Variants in KCNG3 observed in about 807,000 individuals in gnomAD.
KCNG3 encodes the protein voltage-gated potassium channel regulatory subunit KCNG3.
In KCNG3, 15 loss-of-function variants were observed where a neutral mutation model predicts 29.0. The observed-to-expected ratio is 0.52, with a 90% CI of 0.35 to 0.80. The LOEUF is 0.80. Among genes scored for constraint, KCNG3 ranks in the 30% least tolerant of loss-of-function variants. KCNG3 has a pLI of 0.01. For synonymous variants in KCNG3, 322 were observed against 248.9 expected, an observed-to-expected ratio of 1.29 and a Z score of -2.76; for missense variants, 512 against 605.7, an observed-to-expected ratio of 0.85 and a Z score of 1.62.
At chr2:42,477,410 C>CACAT (rs1472461433) in intron 1 of KCNG3, among the ~76,000 whole-genome samples, 2 of 51,366 alleles carry the variant, frequency 3.9e-5, no homozygotes, top group Admixed American at 5.6e-4. Flanking sequence ...CACACACACA[C>CACAT]ACACACACAC....
At chr2:42,403,191 A>G in the KCNG3 span, among the ~76,000 whole-genome samples, 291 of 152,306 alleles carry the variant, frequency 1.9e-3, 2 homozygotes, top group African/African-American at 6.4e-3. Context: ...CCTAGGCTGG[A>G]GTGCAGTGGC....
At chr2:42,456,395 G>T (rs910421284) in intron 1 of KCNG3, among the ~76,000 whole-genome samples, 1 of 152,100 alleles carries the variant, frequency 6.6e-6, no homozygotes, top group Non-Finnish European at 1.5e-5. Context: ...CAGGCATGAT[G>T]GTGCATGCCT....
chr2:42,430,538 C>G, the KCNG3 span, among the ~76,000 whole-genome samples: 1 of 151,662 alleles, frequency 6.6e-6, no homozygotes, highest in Non-Finnish European at 1.5e-5. Context: ...TCACTTGGGC[C>G]CGGGAGGTTT....
intron 1 of KCNG3, among the ~76,000 whole-genome samples, chr2:42,477,906 C>T (rs974372159): frequency 1.3e-5 from 2 of 151,466 alleles, no homozygotes; most frequent in Non-Finnish European, 2.9e-5. Context: ...TTTTTTGAGT[C>T]ACCTCTTTCA....
chr2:42,493,538 C>T lies in KCNG3; in HGVS notation c.-37G>A. The T allele has an allele frequency of 1.5e-6, 2 of 1,329,360 alleles. No homozygotes were observed. The highest frequency in any genetic ancestry group is 9.6e-7 in the Non-Finnish European group (1 of 1,047,016). The allele number at this position is 1,329,360 out of a possible 1,614,324, so 82.3% of individuals were successfully genotyped here. ...CGGGGGACTTTCGGCCCGAGGGCCC[C>T]GCTGCAGCCCCCCACCCCAAGCCGC... On this transcript the variant is annotated 5_prime_UTR_variant, in exon 1 of 2. Transcript: ENST00000306078.
At chr2:42,482,794 C>T (rs1558388887) in intron 1 of KCNG3, among the ~76,000 whole-genome samples, 1 of 151,954 alleles carries the variant, frequency 6.6e-6, no homozygotes, top group South Asian at 2.1e-4. Context: ...CCAAAAACCA[C>T]TGCATTTTAT....
chr2:42,452,770 GGTGTGTGTGTGT>G (rs57111452), intron 1 of KCNG3, among the ~76,000 whole-genome samples: 19 of 150,102 alleles, frequency 1.3e-4, no homozygotes, highest in Non-Finnish European at 2.5e-4. Flanking sequence ...CATTCAACTG[GGTGTGTGTGTGT>G]GTGTGTGTGT....
intron 1 of KCNG3, among the ~76,000 whole-genome samples, chr2:42,449,079 T>G (rs1335202825): frequency 6.6e-6 from 1 of 152,184 alleles, no homozygotes; most frequent in East Asian, 1.9e-4. Flanking sequence ...ATGTTCAGAT[T>G]TTGGTATATG....
chr2:42,493,008 G>A lies in KCNG3; in HGVS notation c.494C>T (p.Thr165Met), dbSNP rs866625762. The A allele has an allele frequency of 6.5e-7, 1 of 1,529,576 alleles. No homozygotes were observed. Among genetic ancestry groups the A allele is most frequent in the Non-Finnish European group, 8.8e-7 (1 of 1,142,334 alleles). 94.8% of individuals were successfully genotyped at this position (1,529,576 alleles called of 1,614,324 possible). ...CAGGATCTGCGCGGCCAGCGACGAC[G>A]TGGGCTCCTCGAAGGTCCGCCGCAT... ...ERMRRTFEEP[T>M]SSLAAQILAS... Residue 165 changes from threonine (T) to methionine (M), a missense_variant, in exon 1 of 2, where the codon ACG (threonine) becomes ATG (methionine). By Grantham distance (81) the Thr-to-Met change is moderately conservative. Around this residue, in one of 5 missense-constraint regions of KCNG3, gnomAD observed 228 missense variants for 200.0 expected, o/e 1.14. Coordinates refer to ENST00000306078, the MANE Select transcript of KCNG3 (RefSeq NM_133329.6).
In KCNG3 at chr2:42,472,827, T is replaced by A. The variant is rs763443244; in HGVS notation, c.665+20010A>T. Among the ~76,000 whole-genome samples the A allele has an allele frequency of 2.9e-4, 43 of 148,208 alleles. No individual in the cohort carries two copies. In the South Asian group the frequency reaches 3.8e-3, roughly 13 times the overall value. ...ATACATATATCGATATATCTAGATATCTATATATAGATATCTATGTAAATA... is the reference window on the plus strand; with the variant it reads ...ATACATATATCGATATATCTAGATAACTATATATAGATATCTATGTAAATA... On this transcript the variant is annotated intron_variant, in intron 1 of 1. Transcript: ENST00000306078.
chr2:42,475,646 TAA>T (rs753198436), intron 1 of KCNG3, among the ~76,000 whole-genome samples: 43 of 135,974 alleles, frequency 3.2e-4, no homozygotes, highest in Middle Eastern at 3.8e-3. Context: ...TCTGTCTCTT[TAA>T]AAAAAAAAAA....
the KCNG3 span, among the ~76,000 whole-genome samples, chr2:42,435,599 G>A: frequency 6.6e-6 from 1 of 152,032 alleles, no homozygotes; most frequent in African/African-American, 2.4e-5. Flanking sequence ...TTTTTTAAGG[G>A]CAGGGGTTTA....
the KCNG3 span, among the ~76,000 whole-genome samples, chr2:42,414,314 C>T: frequency 6.6e-6 from 1 of 152,132 alleles, no homozygotes; most frequent in African/African-American, 2.4e-5. Context: ...TATGCACACT[C>T]TACTGACAGT....
intron 1 of KCNG3, among the ~76,000 whole-genome samples, chr2:42,492,263 A>G (rs918230471): frequency 5.3e-5 from 8 of 152,174 alleles, no homozygotes; most frequent in Non-Finnish European, 8.8e-5. Flanking sequence ...ACTTTGTAGG[A>G]AAAGGGGGAA....
In KCNG3 at chr2:42,442,132, A is replaced by C. The variant is rs997737436; in HGVS notation, c.*1802T>G. ...AAGAAAAAATAAATCCATGCCATTT[A>C]TTTCAATTATATTAGAATACAATAA... On this transcript the variant is annotated 3_prime_UTR_variant, in exon 2 of 2. Coordinates refer to ENST00000306078, the MANE Select transcript of KCNG3 (RefSeq NM_133329.6). 5.3e-5 allele frequency: 8 copies of C among 152,300 alleles called. No homozygotes were observed. The highest frequency in any genetic ancestry group is 1.9e-4 in the African/African-American group (8 of 41,578). 9.4% of individuals were successfully genotyped at this position (152,300 alleles called of 1,614,324 possible).
At chr2:42,397,205 T>C in the KCNG3 span, among the ~76,000 whole-genome samples, 13 of 150,472 alleles carry the variant, frequency 8.6e-5, no homozygotes, top group African/African-American at 2.5e-4. Context: ...GATCGCACCA[T>C]TGCACTCCAG....
intron 1 of KCNG3, among the ~76,000 whole-genome samples, chr2:42,451,204 C>CAAAAAAAAAA (rs67651134): frequency 1.6e-5 from 1 of 61,010 alleles, no homozygotes; most frequent in Non-Finnish European, 2.7e-5. Flanking sequence ...GACTCCAACT[C>CAAAAAAAAAA]AAAAAAAAAA....
chr2:42,420,694 C>T, the KCNG3 span, among the ~76,000 whole-genome samples: 19,723 of 152,044 alleles, frequency 0.13, 1,428 homozygotes, highest in South Asian at 0.26. Context: ...GAGGCTGAGG[C>T]AGGGAGAATC....
At chr2:42,489,514 T>C (rs1457231355) in intron 1 of KCNG3, among the ~76,000 whole-genome samples, 3 of 152,202 alleles carry the variant, frequency 2.0e-5, no homozygotes, top group Non-Finnish European at 2.9e-5. Flanking sequence ...TATGAAAATA[T>C]AACCATCACG....
Sources: gnomAD v4.1 joint callset for allele counts (sites outside exome capture counted in the v4.1 genomes callset) on GRCh38, gnomAD v4.1.1 for gene constraint, gnomAD v4.1.1 regional missense constraint, MANE v1.5 for transcripts, NCBI Gene and HGNC (gene_info 2026-07-23, HGNC 2026-07-21) for gene names.